The following ZNF438 variants were observed in gnomAD, a reference collection of about 807,000 sequenced individuals.
The protein encoded by ZNF438 is zinc finger protein 438.
In ZNF438, 25 loss-of-function variants were observed where a neutral mutation model predicts 38.0. That is an observed-to-expected ratio of 0.66 (90% CI 0.48 to 0.92). The LOEUF (loss-of-function observed/expected upper bound fraction) is 0.92. Among genes scored for constraint, ZNF438 ranks in the 40% least tolerant of loss-of-function variants. The probability of loss-of-function intolerance (pLI) is 0.00; values close to 1 mark genes in which losing one functional copy is unlikely to be tolerated. For missense variants in ZNF438, 1,007 were observed against 999.6 expected, an observed-to-expected ratio of 1.01 and a Z score of -0.10; for synonymous variants, 372 against 364.1, an observed-to-expected ratio of 1.02 and a Z score of -0.25.
At chr10:30,989,281 C>A (rs372688977) in intron 1 of ZNF438, among the ~76,000 whole-genome samples, 3 of 152,124 alleles carry the variant, frequency 2.0e-5, no homozygotes, top group Non-Finnish European at 4.4e-5. Flanking sequence ...TAATATACTA[C>A]GTAAGGGAGA....
intron 3 of ZNF438, among the ~76,000 whole-genome samples, chr10:30,888,958 C>G (rs935975973): frequency 1.3e-5 from 2 of 152,192 alleles, no homozygotes; most frequent in African/African-American, 4.8e-5. Flanking sequence ...ACACTGCTTT[C>G]CACAGTGACC....
chr10:30,889,695 C>T (rs1056529794), intron 3 of ZNF438, among the ~76,000 whole-genome samples: 5 of 152,172 alleles, frequency 3.3e-5, no homozygotes, highest in Admixed American at 2.6e-4. Context: ...TGTGAGCCAC[C>T]GTGTCCGGCA....
intron 3 of ZNF438, among the ~76,000 whole-genome samples, chr10:30,887,678 G>A (rs367724673): frequency 1.3e-4 from 20 of 152,110 alleles, no homozygotes; most frequent in East Asian, 5.8e-4. Flanking sequence ...GTGAGCCACC[G>A]CGCCCGGCCT....
intron 4 of ZNF438, among the ~76,000 whole-genome samples, chr10:30,866,890 A>C (rs1316258654): frequency 6.6e-6 from 1 of 152,166 alleles, no homozygotes; most frequent in Non-Finnish European, 1.5e-5. Flanking sequence ...GATTTTTAAA[A>C]TATCGCACAA....
intron 1 of ZNF438, among the ~76,000 whole-genome samples, chr10:30,997,833 A>T (rs1231343357): frequency 6.6e-6 from 1 of 152,174 alleles, no homozygotes; most frequent in Admixed American, 6.5e-5. Flanking sequence ...TTGGAGTTAA[A>T]GCTGCCATCT....
At chr10:30,953,960 G>T (rs1255750583) in intron 1 of ZNF438, among the ~76,000 whole-genome samples, 1 of 152,056 alleles carries the variant, frequency 6.6e-6, no homozygotes, top group Non-Finnish European at 1.5e-5. Context: ...TGGCCAACAT[G>T]GTGTAATCCC....
intron 1 of ZNF438, among the ~76,000 whole-genome samples, chr10:31,026,955 A>G (rs1564367755): frequency 6.6e-6 from 1 of 152,200 alleles, no homozygotes; most frequent in Admixed American, 6.5e-5. Context: ...ACATGGATGA[A>G]GCTGGAAACC....
At chr10:30,926,438 C>T (rs371059259) in intron 2 of ZNF438, among the ~76,000 whole-genome samples, 86 of 152,162 alleles carry the variant, frequency 5.7e-4, no homozygotes, top group African/African-American at 1.8e-3. Context: ...GAGGCCGAGG[C>T]GAGTGGATCA....
chr10:31,012,195 TC>T (rs2055771500), intron 1 of ZNF438, among the ~76,000 whole-genome samples: 2 of 150,960 alleles, frequency 1.3e-5, no homozygotes, highest in Admixed American at 6.6e-5. Context: ...TGATCTTGGC[TC>T]CACTGCAAGC....
At chr10:30,931,279 GA>G (rs1405485393) in intron 2 of ZNF438, among the ~76,000 whole-genome samples, 1 of 152,196 alleles carries the variant, frequency 6.6e-6, no homozygotes, top group Non-Finnish European at 1.5e-5. Flanking sequence ...AGAGGAAAAG[GA>G]GTCCAAATGA....
At chr10:30,857,581 A>T (rs945443913) in intron 4 of ZNF438, 14 of 982,700 alleles carry the variant, frequency 1.4e-5, no homozygotes, top group Non-Finnish European at 3.0e-6. Context: ...ATTAAATTAT[A>T]CTAACTTTCT....
intron 4 of ZNF438, among the ~76,000 whole-genome samples, chr10:30,874,114 G>GTGTATATATATATA (rs1257613270): frequency 3.7e-5 from 3 of 80,294 alleles, no homozygotes; most frequent in African/African-American, 1.4e-4. Flanking sequence ...GTGTGTGTGT[G>GTGTATATATATATA]TATATATATA....
At chr10:30,980,978 A>G (rs946947394) in intron 1 of ZNF438, among the ~76,000 whole-genome samples, 2 of 152,206 alleles carry the variant, frequency 1.3e-5, no homozygotes, top group Admixed American at 1.3e-4. Context: ...CTGAATAGCT[A>G]CATTTCACCT....
At chr10:30,861,399 C>T (rs944603434) in intron 4 of ZNF438, among the ~76,000 whole-genome samples, 2 of 151,778 alleles carry the variant, frequency 1.3e-5, no homozygotes, top group East Asian at 3.9e-4. Context: ...GATGCAGAAC[C>T]CACAGATGCA....
chr10:30,932,763 A>G (rs2045834709), intron 2 of ZNF438, among the ~76,000 whole-genome samples: 1 of 152,232 alleles, frequency 6.6e-6, no homozygotes, highest in Non-Finnish European at 1.5e-5. Flanking sequence ...GTCTCTGCAG[A>G]TATAATCAGG....
rs76832077 is a variant in ZNF438 at position 30,865,654 on chromosome 10, G to A, written c.37+11344C>T. 8.9e-3 allele frequency among the ~76,000 whole-genome samples: 1,360 copies of A among 152,304 alleles called. 21 individuals carry two copies. The highest frequency in any genetic ancestry group is 0.03 in the African/African-American group (1,258 of 41,560). ...CTTTACTAAACTTGATAATATATCA[G>A]TGCTATGGTGTAATGATTTGGATCT... On this transcript the variant is annotated intron_variant, in intron 4 of 5. Coordinates refer to ENST00000413025, the Ensembl canonical transcript of ZNF438.
intron 3 of ZNF438, among the ~76,000 whole-genome samples, chr10:30,885,223 C>A (rs1230831973): frequency 6.6e-6 from 1 of 152,202 alleles, no homozygotes; most frequent in Non-Finnish European, 1.5e-5. Flanking sequence ...TAATTCATAA[C>A]AGGCTTTTCT....
chr10:31,003,329 G>A (rs1254239059), intron 1 of ZNF438, among the ~76,000 whole-genome samples: 1 of 152,076 alleles, frequency 6.6e-6, no homozygotes, highest in Non-Finnish European at 1.5e-5. Flanking sequence ...ACCGTGGGAG[G>A]ACCAGCCCTA....
intron 1 of ZNF438, among the ~76,000 whole-genome samples, chr10:30,953,168 C>T (rs1308195152): frequency 9.7e-5 from 14 of 144,090 alleles, no homozygotes; most frequent in East Asian, 2.0e-4. Context: ...AACCAAACAC[C>T]GCATATTCTC....
Sources: allele counts gnomAD v4.1 joint callset (sites outside exome capture counted in the v4.1 genomes callset), GRCh38; gene constraint gnomAD v4.1.1; transcripts MANE v1.5; gene names NCBI Gene and HGNC (gene_info 2026-07-23, HGNC 2026-07-21).